HDAC9: variants seen among roughly 807,000 people sequenced by gnomAD.
HDAC9 encodes the protein histone deacetylase 9.
HDAC9 carries 41 observed loss-of-function variants against 139.4 expected under a neutral mutation model. The ratio of observed to expected loss-of-function variants is 0.29; its 90% confidence interval spans 0.23 to 0.38. The LOEUF is 0.38. Ranked by LOEUF, HDAC9 falls within the 10% of genes least tolerant of loss-of-function variation. The pLI, the probability that HDAC9 is intolerant of heterozygous loss-of-function variation, is 1.00. For synonymous variants in HDAC9, 517 were observed against 476.2 expected, an observed-to-expected ratio of 1.09 and a Z score of -1.12; for missense variants, 1,147 against 1,297.0, an observed-to-expected ratio of 0.88 and a Z score of 1.78.
intron 2 of HDAC9, among the ~76,000 whole-genome samples, chr7:18,571,440 C>G (rs889693308): frequency 6.6e-6 from 1 of 152,158 alleles, no homozygotes; most frequent in Non-Finnish European, 1.5e-5. Context: ...GGTTCCTCCT[C>G]TCCGTCTTTT....
intron 8 of HDAC9, among the ~76,000 whole-genome samples, chr7:18,641,056 G>A (rs1335496237): frequency 6.6e-6 from 1 of 152,098 alleles, no homozygotes; most frequent in Non-Finnish European, 1.5e-5. Flanking sequence ...AATCCCTGTG[G>A]CAGTTGACAT....
chr7:18,115,166 G>A (rs1485756630), intron 1 of HDAC9, among the ~76,000 whole-genome samples: 4 of 151,976 alleles, frequency 2.6e-5, no homozygotes, highest in Non-Finnish European at 4.4e-5. Flanking sequence ...GGTGGCGGGC[G>A]CCTGTAGTCC....
intron 16 of HDAC9, among the ~76,000 whole-genome samples, chr7:18,788,504 C>A (rs1012061612): frequency 2.0e-5 from 3 of 152,116 alleles, no homozygotes; most frequent in African/African-American, 4.8e-5. Context: ...CCTGTCATCC[C>A]AGCATTTTGG....
chr7:18,776,591 A>T (rs963359765), intron 16 of HDAC9, among the ~76,000 whole-genome samples: 7 of 152,044 alleles, frequency 4.6e-5, no homozygotes, highest in African/African-American at 1.7e-4. Context: ...ATATATGTGC[A>T]TGTATGTGAT....
intron 1 of HDAC9, among the ~76,000 whole-genome samples, chr7:18,334,898 A>G (rs565540866): frequency 2.1e-4 from 32 of 151,572 alleles, no homozygotes; most frequent in African/African-American, 7.5e-4. Flanking sequence ...ACATAATGGT[A>G]GGTTAAAAAT....
intron 22 of HDAC9, among the ~76,000 whole-genome samples, chr7:18,895,809 A>G (rs946665785): frequency 6.6e-6 from 1 of 152,074 alleles, no homozygotes; most frequent in Non-Finnish European, 1.5e-5. Context: ...GCTTCTTGTT[A>G]TACTCAATTT....
At chr7:18,954,333 T>C in intron 24 of HDAC9, 103 bp downstream of exon 24, 1 of 904,970 alleles carries the variant, frequency 1.1e-6, no homozygotes, top group Non-Finnish European at 1.7e-6. Flanking sequence ...GTTATCATAA[T>C]TTGCACATGC....
chr7:18,536,712 A>G (rs1811028093), intron 2 of HDAC9, among the ~76,000 whole-genome samples: 1 of 152,140 alleles, frequency 6.6e-6, no homozygotes, highest in South Asian at 2.1e-4. Context: ...CTCTTGGGTT[A>G]AGGAAAACAC....
intron 1 of HDAC9, among the ~76,000 whole-genome samples, chr7:18,405,559 C>G (rs1487491947): frequency 1.3e-5 from 2 of 151,932 alleles, no homozygotes; most frequent in African/African-American, 4.8e-5. Flanking sequence ...TTCATCAAAT[C>G]TGAAAAACAA....
intron 1 of HDAC9, among the ~76,000 whole-genome samples, chr7:18,385,985 C>A (rs989248525): frequency 2.0e-5 from 3 of 151,540 alleles, no homozygotes; most frequent in Non-Finnish European, 4.4e-5. Flanking sequence ...TTAACGCACT[C>A]TTTGTTTCTG....
intron 1 of HDAC9, among the ~76,000 whole-genome samples, chr7:18,366,387 G>A (rs1585400517): frequency 6.6e-6 from 1 of 152,248 alleles, no homozygotes; most frequent in East Asian, 1.9e-4. Flanking sequence ...CTGGATCATG[G>A]CAGTTGGCCC....
intron 21 of HDAC9, 29 bp from the exon 22 acceptor site, chr7:18,874,449 G>A (rs372961573): frequency 7.4e-5 from 107 of 1,436,474 alleles, no homozygotes; most frequent in Admixed American, 9.7e-5. Context: ...CCAGTCCCAC[G>A]TGTGACCGGT....
At chr7:18,691,339 T>C (rs538375796) in intron 12 of HDAC9, among the ~76,000 whole-genome samples, 2 of 152,210 alleles carry the variant, frequency 1.3e-5, no homozygotes, top group Admixed American at 6.6e-5. Flanking sequence ...AGTTTAAATA[T>C]GTTTTACCAA....
chr7:18,504,786 G>A (rs762927061), intron 2 of HDAC9, among the ~76,000 whole-genome samples: 2 of 152,208 alleles, frequency 1.3e-5, no homozygotes, highest in Non-Finnish European at 2.9e-5. Context: ...GTGTTTTACA[G>A]TTGAGGAAAT....
intron 2 of HDAC9, among the ~76,000 whole-genome samples, chr7:18,236,746 T>G (rs1200538022): frequency 6.6e-6 from 1 of 152,076 alleles, no homozygotes; most frequent in East Asian, 1.9e-4. Flanking sequence ...TGTACGGCTG[T>G]GGGGGTGGGG....
intron 1 of HDAC9, among the ~76,000 whole-genome samples, chr7:18,322,649 C>T (rs752328373): frequency 6.6e-6 from 1 of 152,052 alleles, no homozygotes; most frequent in Non-Finnish European, 1.5e-5. Flanking sequence ...TGCTGATTGC[C>T]GATTGGCAGG....
intron 1 of HDAC9, among the ~76,000 whole-genome samples, chr7:18,483,496 G>A (rs1795739336): frequency 6.6e-6 from 1 of 152,166 alleles, no homozygotes; most frequent in South Asian, 2.1e-4. Flanking sequence ...GTATCAGTAG[G>A]CATTGTTGTT....
At chr7:18,948,447 C>G (rs1373307188) in intron 23 of HDAC9, among the ~76,000 whole-genome samples, 1 of 152,000 alleles carries the variant, frequency 6.6e-6, no homozygotes, top group African/African-American at 2.4e-5. Flanking sequence ...ATCTATATAA[C>G]TGTCATAACT....
upstream of HDAC9, among the ~76,000 whole-genome samples, chr7:18,285,580 A>C (rs1797383087): frequency 6.6e-6 from 1 of 151,786 alleles, no homozygotes; most frequent in Admixed American, 6.6e-5. Context: ...ACCAATTTAC[A>C]CTCCTACCAG....
Sources: gnomAD v4.1 joint callset for allele counts (sites outside exome capture counted in the v4.1 genomes callset) on GRCh38, gnomAD v4.1.1 for gene constraint, MANE v1.5 for transcripts, NCBI Gene and HGNC (gene_info 2026-07-23, HGNC 2026-07-21) for gene names.